CNTN5: variants seen among roughly 807,000 people sequenced by gnomAD.
CNTN5 encodes contactin-5.
CNTN5 carries 77 observed loss-of-function variants against 129.1 expected under a neutral mutation model. That is an observed-to-expected ratio of 0.60 (90% CI 0.50 to 0.72). CNTN5 has a LOEUF of 0.72. CNTN5 is among the 30% of genes least tolerant of loss of function. The pLI is 0.00. For missense variants in CNTN5, 1,478 were observed against 1,328.8 expected (o/e 1.11, Z -1.75); for synonymous variants, 509 against 465.6 (o/e 1.09, Z -1.20).
chr11:100,233,097 C>T (rs1310431311), intron 16 of CNTN5, among the ~76,000 whole-genome samples: 2 of 152,098 alleles, frequency 1.3e-5, no homozygotes, highest in African/African-American at 4.8e-5. Flanking sequence ...TGAGTAGACT[C>T]CAGGCAGACC....
chr11:99,100,550 T>G (rs1395049111), intron 1 of CNTN5, among the ~76,000 whole-genome samples: 1 of 152,146 alleles, frequency 6.6e-6, no homozygotes, highest in African/African-American at 2.4e-5. Context: ...TAGGATGACA[T>G]TATTACTTGT....
rs371413763 is a variant in CNTN5, at chr11:99,433,904, A to C, written c.-71+108420A>C. 7.9e-5 allele frequency among the ~76,000 whole-genome samples: 12 copies of C among 152,288 alleles called. No individual in the cohort carries two copies. In the East Asian group the frequency reaches 2.3e-3, roughly 29 times the overall value. ...AGCTGCTTTCCTAGTCACCTAAGGC[A>C]GGTGGTGCTTTACTGTGTTTTACAG... is the stretch of plus-strand genomic sequence containing the variant. On this transcript the variant is annotated intron_variant, in intron 2 of 24. Transcript: ENST00000524871.
intron 13 of CNTN5, among the ~76,000 whole-genome samples, chr11:100,157,851 A>G (rs1280927936): frequency 6.3e-5 from 6 of 95,302 alleles, no homozygotes; most frequent in Non-Finnish European, 1.5e-4. Flanking sequence ...TAGATAAATA[A>G]AAAAAGCATG....
chr11:99,931,558 A>C (rs1011238054), intron 7 of CNTN5, among the ~76,000 whole-genome samples: 1 of 152,186 alleles, frequency 6.6e-6, no homozygotes, highest in Non-Finnish European at 1.5e-5. Flanking sequence ...AAAATAGCCT[A>C]TTTTTGTTTC....
chr11:100,188,091 T>C (rs574425289), intron 13 of CNTN5, among the ~76,000 whole-genome samples: 4 of 152,086 alleles, frequency 2.6e-5, no homozygotes, highest in Non-Finnish European at 5.9e-5. Context: ...ATTGAACAAC[T>C]GAAAAACAGC....
chr11:99,400,270 T>C (rs1504724), intron 2 of CNTN5, among the ~76,000 whole-genome samples: 152,063 of 152,220 alleles, frequency 1, 75,954 homozygotes, highest in Non-Finnish European at 1. Flanking sequence ...TGAGAACATG[T>C]AGTGTTTGTC....
chr11:99,165,881 A>C (rs985563887), intron 1 of CNTN5, among the ~76,000 whole-genome samples: 1 of 152,204 alleles, frequency 6.6e-6, no homozygotes, highest in Non-Finnish European at 1.5e-5. Flanking sequence ...GCAATTTCCA[A>C]GATTGACTTA....
chr11:99,727,282 C>T (rs376413734), intron 3 of CNTN5, among the ~76,000 whole-genome samples: 4,924 of 108,748 alleles, frequency 0.045, 90 homozygotes, highest in Admixed American at 0.052. Flanking sequence ...GTCCGCAGTC[C>T]GGCCTGGGCG....
At chr11:99,780,795 A>G (rs76018882) in intron 3 of CNTN5, among the ~76,000 whole-genome samples, 7 of 152,226 alleles carry the variant, frequency 4.6e-5, no homozygotes, top group African/African-American at 7.2e-5. Context: ...AGAGGAACAC[A>G]CTGTGCCACA....
chr11:99,982,736 G>A (rs1217991528), intron 8 of CNTN5, among the ~76,000 whole-genome samples: 5 of 152,174 alleles, frequency 3.3e-5, no homozygotes, highest in African/African-American at 1.2e-4. Context: ...ATCCTCCCGG[G>A]TTCACGCCAT....
At chr11:99,537,922 G>T (rs1049326260) in intron 2 of CNTN5, among the ~76,000 whole-genome samples, 1 of 152,134 alleles carries the variant, frequency 6.6e-6, no homozygotes, top group African/African-American at 2.4e-5. Context: ...GGTGTCTTGG[G>T]TTTTAAATTA....
intron 3 of CNTN5, among the ~76,000 whole-genome samples, chr11:99,664,375 G>A (rs188600951): frequency 2.1e-4 from 32 of 152,196 alleles, no homozygotes; most frequent in African/African-American, 7.7e-4. Context: ...ACAAGTTGTA[G>A]GTTGTGGTGA....
intron 3 of CNTN5, among the ~76,000 whole-genome samples, chr11:99,702,805 T>C (rs965093592): frequency 1.3e-5 from 2 of 150,910 alleles, no homozygotes; most frequent in African/African-American, 4.8e-5. Context: ...TGTTGAAATA[T>C]TGGTTTGAAA....
intron 9 of CNTN5, among the ~76,000 whole-genome samples, chr11:100,053,015 T>A (rs1943033395): frequency 6.6e-6 from 1 of 151,734 alleles, no homozygotes; most frequent in South Asian, 2.1e-4. Flanking sequence ...AATAAGTTGA[T>A]CCTTTAACCA....
chr11:99,770,694 T>A (rs751484927), intron 3 of CNTN5, among the ~76,000 whole-genome samples: 1 of 152,158 alleles, frequency 6.6e-6, no homozygotes, highest in Non-Finnish European at 1.5e-5. Flanking sequence ...AATATTTTAT[T>A]TTTTGATGCT....
At chr11:100,344,797 T>A (rs1952243433) in intron 23 of CNTN5, among the ~76,000 whole-genome samples, 1 of 152,132 alleles carries the variant, frequency 6.6e-6, no homozygotes, top group African/African-American at 2.4e-5. Flanking sequence ...ATTTAAAAAG[T>A]AAATGATATA....
intron 1 of CNTN5, among the ~76,000 whole-genome samples, chr11:99,193,288 A>G (rs1426120668): frequency 1.3e-5 from 2 of 152,192 alleles, no homozygotes; most frequent in Non-Finnish European, 2.9e-5. Flanking sequence ...AAAAAGCCAC[A>G]GCAACCAAAA....
intron 3 of CNTN5, among the ~76,000 whole-genome samples, chr11:99,659,258 T>C (rs1952507754): frequency 6.6e-6 from 1 of 152,020 alleles, no homozygotes; most frequent in South Asian, 2.1e-4. Flanking sequence ...GGAAAAAAAT[T>C]ATGAAAGGAA....
chr11:99,702,327 A>G (rs1264319732), intron 3 of CNTN5, among the ~76,000 whole-genome samples: 1 of 150,982 alleles, frequency 6.6e-6, no homozygotes, highest in East Asian at 1.9e-4. Context: ...TTCTGTTACT[A>G]GCCTTGTCAC....
Sources: gnomAD v4.1 joint callset for allele counts (sites outside exome capture counted in the v4.1 genomes callset) on GRCh38, gnomAD v4.1.1 for gene constraint, MANE v1.5 for transcripts, NCBI Gene and HGNC (gene_info 2026-07-23, HGNC 2026-07-21) for gene names.